Variants in TENM3 observed in about 807,000 individuals in gnomAD.
The protein encoded by TENM3 is teneurin transmembrane protein 3.
Under a neutral mutation model 255.1 loss-of-function variants are expected in TENM3, and 63 were observed. That is an observed-to-expected ratio of 0.25 (90% CI 0.20 to 0.30). TENM3 has a LOEUF of 0.30. Among genes scored for constraint, TENM3 ranks in the 10% least tolerant of loss-of-function variants. The pLI is 1.00. For synonymous variants in TENM3, 1,306 were observed against 1,322.3 expected, an observed-to-expected ratio of 0.99 and a Z score of 0.27; for missense variants, 2,929 against 3,461.1, an observed-to-expected ratio of 0.85 and a Z score of 3.86.
At chr4:182,283,636 A>C (rs1163512846) in intron 1 of TENM3, among the ~76,000 whole-genome samples, 1 of 152,178 alleles carries the variant, frequency 6.6e-6, no homozygotes, top group Non-Finnish European at 1.5e-5. Flanking sequence ...GAGAAGTTGC[A>C]TGAGCCAATT....
the TENM3 span, among the ~76,000 whole-genome samples, chr4:181,905,157 C>A: frequency 6.6e-6 from 1 of 152,194 alleles, no homozygotes; most frequent in Non-Finnish European, 1.5e-5. Context: ...GTACATGCTC[C>A]TGTGTTTTCC....
At chr4:182,621,660 A>C (rs1750183582) in intron 4 of TENM3, among the ~76,000 whole-genome samples, 1 of 87,570 alleles carries the variant, frequency 1.1e-5, no homozygotes, top group African/African-American at 4.5e-5. Flanking sequence ...TATAATATAT[A>C]ATATGTATTA....
chr4:182,739,122 G>A (rs1265643749), intron 18 of TENM3, among the ~76,000 whole-genome samples: 3 of 151,608 alleles, frequency 2.0e-5, no homozygotes, highest in Non-Finnish European at 2.9e-5. Context: ...ATTGTTACTT[G>A]ACTTGGTGAA....
rs186358344 is a variant in TENM3, at chr4:182,372,604, A to G, written c.511+25675A>G. ...GAGTAATGATAAATACCTTGTCCTC[A>G]AAATTTTAGTTTACATAGTAAATAG... On this transcript the variant is annotated intron_variant, in intron 3 of 27. Transcript: ENST00000511685. Among the ~76,000 whole-genome samples, 356 of 152,296 alleles carry G rather than the reference A, an allele frequency of 2.3e-3. 6 individuals are homozygous for G. Among genetic ancestry groups the G allele is most frequent in the Admixed American group, 0.021 (319 of 15,302 alleles).
the TENM3 span, among the ~76,000 whole-genome samples, chr4:181,940,000 A>G: frequency 6.6e-6 from 1 of 152,200 alleles, no homozygotes; most frequent in East Asian, 1.9e-4. Flanking sequence ...AGCTGGAGGA[A>G]TTTAAGCAGA....
the TENM3 span, among the ~76,000 whole-genome samples, chr4:181,978,077 A>G: frequency 3.9e-5 from 6 of 152,354 alleles, no homozygotes; most frequent in Middle Eastern, 3.4e-3. Flanking sequence ...GTGACAGAAG[A>G]TGAAGTCTGG....
intron 12 of TENM3, among the ~76,000 whole-genome samples, chr4:182,699,130 C>T (rs1314198097): frequency 6.6e-6 from 1 of 152,142 alleles, no homozygotes; most frequent in Admixed American, 6.5e-5. Context: ...AATTTCTTTC[C>T]GGTCTACCTC....
the TENM3 span, among the ~76,000 whole-genome samples, chr4:181,809,688 C>T: frequency 9.9e-5 from 15 of 152,266 alleles, no homozygotes; most frequent in South Asian, 2.1e-4. Flanking sequence ...TTACCTTGCA[C>T]GGCAAAAGGT....
the TENM3 span, among the ~76,000 whole-genome samples, chr4:181,702,086 A>G: frequency 6.6e-6 from 1 of 152,178 alleles, no homozygotes; most frequent in Admixed American, 6.5e-5. Flanking sequence ...AAAGCCACTG[A>G]ACAGTGCACA....
the TENM3 span, among the ~76,000 whole-genome samples, chr4:181,776,713 A>C: frequency 6.6e-6 from 1 of 151,996 alleles, no homozygotes; most frequent in South Asian, 2.1e-4. Context: ...GGTCATTTTT[A>C]TATCTTCCTT....
chr4:181,751,897 A>T, the TENM3 span, among the ~76,000 whole-genome samples: 1 of 152,202 alleles, frequency 6.6e-6, no homozygotes, highest in Non-Finnish European at 1.5e-5. Flanking sequence ...GCACAGAGCC[A>T]GTGTCACAAC....
chr4:182,634,901 T>G (rs535031786), intron 5 of TENM3, among the ~76,000 whole-genome samples: 2 of 152,254 alleles, frequency 1.3e-5, no homozygotes, highest in South Asian at 4.2e-4. Flanking sequence ...GTTATACACA[T>G]AGAAAAATGG....
chr4:182,189,079 C>A (rs776875452), intron 1 of TENM3, among the ~76,000 whole-genome samples: 3 of 151,772 alleles, frequency 2.0e-5, no homozygotes, highest in Non-Finnish European at 4.4e-5. Context: ...ATTAAATAAT[C>A]AAAATATAAA....
At chr4:182,534,799 TGGATTTGGAAAGTG>T (rs1740132604) in intron 3 of TENM3, among the ~76,000 whole-genome samples, 1 of 152,112 alleles carries the variant, frequency 6.6e-6, no homozygotes, top group African/African-American at 2.4e-5. Flanking sequence ...CTTAAAAACG[TGGATTTGGAAAGTG>T]GGATCAGATT....
At chr4:182,215,113 A>C (rs1273952844) in intron 1 of TENM3, among the ~76,000 whole-genome samples, 3 of 152,184 alleles carry the variant, frequency 2.0e-5, no homozygotes, top group Non-Finnish European at 4.4e-5. Flanking sequence ...TCTGAGCTAG[A>C]GTGCAAATGA....
the TENM3 span, among the ~76,000 whole-genome samples, chr4:182,131,457 T>C: frequency 6.6e-6 from 1 of 152,218 alleles, no homozygotes; most frequent in Admixed American, 6.5e-5. Context: ...ACGATTAGCA[T>C]TGATTTATTT....
chr4:181,614,619 C>G, the TENM3 span, among the ~76,000 whole-genome samples: 1 of 152,202 alleles, frequency 6.6e-6, no homozygotes, highest in Non-Finnish European at 1.5e-5. Context: ...GTTCTTCCTG[C>G]TCAATGTGAG....
the TENM3 span, among the ~76,000 whole-genome samples, chr4:181,990,663 C>T: frequency 1.3e-5 from 2 of 152,024 alleles, no homozygotes; most frequent in East Asian, 1.9e-4. Flanking sequence ...TAGTAATAAG[C>T]GGCATGCCGA....
At chr4:181,844,536 C>T in the TENM3 span, among the ~76,000 whole-genome samples, 32 of 151,862 alleles carry the variant, frequency 2.1e-4, 1 homozygote, top group Admixed American at 7.9e-4. Flanking sequence ...GGAGTGGTGG[C>T]GGGCGCCTGT....
Sources: allele counts gnomAD v4.1 joint callset (sites outside exome capture counted in the v4.1 genomes callset), GRCh38; gene constraint gnomAD v4.1.1; transcripts MANE v1.5; gene names NCBI Gene and HGNC (gene_info 2026-07-23, HGNC 2026-07-21).